Variants in CDHR2 observed in about 807,000 individuals in gnomAD.
CDHR2 encodes cadherin related family member 2, also known as cadherin-related family member 2.
Under a neutral mutation model 138.6 loss-of-function variants are expected in CDHR2, and 104 were observed. That is an observed-to-expected ratio of 0.75 (90% confidence interval 0.64 to 0.88). The LOEUF (loss-of-function observed/expected upper bound fraction) is 0.88, where lower values mean the gene tolerates loss of function less well. Among genes scored for constraint, CDHR2 ranks in the 40% least tolerant of loss-of-function variants. The pLI, the probability that CDHR2 is intolerant of heterozygous loss-of-function variation, is 0.00. For synonymous variants in CDHR2, 755 were observed against 742.8 expected (o/e 1.02, Z -0.27); for missense variants, 1,624 against 1,727.6 (o/e 0.94, Z 1.06).
chr5:176,568,580 G>C, intron 3 of CDHR2, 98 bp from the exon 4 acceptor site: 1 of 1,396,208 alleles, frequency 7.2e-7, no homozygotes, highest in Non-Finnish European at 9.8e-7. Context: ...CCTGTGTACA[G>C]GGCAGCCAGG....
upstream of CDHR2, among the ~76,000 whole-genome samples, chr5:176,545,146 C>A (rs2113238014): frequency 6.6e-6 from 1 of 152,102 alleles, no homozygotes. Flanking sequence ...GACAGAGTCT[C>A]ACTCTGTCAC....
intron 16 of CDHR2, among the ~76,000 whole-genome samples, chr5:176,580,030 A>AG (rs1474475272): frequency 6.6e-6 from 1 of 152,180 alleles, no homozygotes; most frequent in African/African-American, 2.4e-5. Context: ...GGCGGCACAG[A>AG]GGAACCCGCT....
At chr5:176,549,531 G>T in intron 1 of CDHR2, 117 bp downstream of exon 1, 1 of 152,422 alleles carries the variant, frequency 6.6e-6, no homozygotes. Context: ...AAGCTGGGCA[G>T]GGGAAGTCAC....
chr5:176,561,750 C>T (rs994060506), intron 1 of CDHR2, among the ~76,000 whole-genome samples: 9 of 151,914 alleles, frequency 5.9e-5, no homozygotes, highest in African/African-American at 2.2e-4. Context: ...AGCGATTCTC[C>T]TGCCTCAGTC....
chr5:176,577,589 C>G, intron 13 of CDHR2, 35 bp downstream of exon 13: 2 of 1,613,764 alleles, frequency 1.2e-6, no homozygotes, highest in Non-Finnish European at 1.7e-6. Flanking sequence ...GGGCAGAAGC[C>G]GAGGGGCACT....
At chr5:176,592,586 A>ATGATGGTGGTGGTGG in intron 30 of CDHR2, 137 bp from the exon 31 acceptor site, 2 of 699,904 alleles carry the variant, frequency 2.9e-6, no homozygotes, top group Middle Eastern at 3.0e-4. Flanking sequence ...GGTAGTTGTG[A>ATGATGGTGGTGGTGG]TGATGGTGGT....
chr5:176,554,340 G>T lies in CDHR2; in HGVS notation c.-16+4926G>T, dbSNP rs551579592. On this transcript the variant is annotated intron_variant, in intron 1 of 31. Transcript: ENST00000261944. ...AGCTGTTTCCATGGTGATTGCAGTGGGAGGAGCAGCCATAAGGTGAGGACA... is the reference window on the plus strand; with the variant it reads ...AGCTGTTTCCATGGTGATTGCAGTGTGAGGAGCAGCCATAAGGTGAGGACA... Among the ~76,000 whole-genome samples the T allele has an allele frequency of 2.3e-4, 35 of 152,326 alleles. No individual in the cohort carries two copies. In the South Asian group the frequency reaches 7.0e-3, roughly 31 times the overall value.
At position 176,575,399 on chromosome 5, in the gene CDHR2, G is replaced by A. The variant is rs770570875; in HGVS notation, c.741G>A (p.Ser247=). 1.2e-5 allele frequency: 19 copies of A among 1,614,188 alleles called. No homozygotes were observed. The highest frequency in any genetic ancestry group is 5.3e-5 in the African/African-American group (4 of 75,048). The change falls in exon 9 of 32, where the codon TCG becomes TCA. Residue 247 remains serine, a synonymous_variant. Transcript: ENST00000261944. Reference sequence around the variant, plus strand: ...CCCAGTTTGTCAGGGAGTTTTACTCGGCCTCTGTGGCTGAGGATGCAGCCA... The same window carrying A: ...CCCAGTTTGTCAGGGAGTTTTACTCAGCCTCTGTGGCTGAGGATGCAGCCA... ...LDPQFVREFY[S]ASVAEDAAKG... is the part of the protein sequence containing the mutation.
chr5:176,562,113 G>A (rs1757981341), intron 1 of CDHR2, among the ~76,000 whole-genome samples: 1 of 152,082 alleles, frequency 6.6e-6, no homozygotes. Flanking sequence ...TGGAGTGGTC[G>A]AGGGTAGTCT....
At chr5:176,586,957 GA>G in intron 21 of CDHR2, 115 bp downstream of exon 21, 1 of 810,242 alleles carries the variant, frequency 1.2e-6, no homozygotes. Context: ...ACATGAAAAA[GA>G]AAACCCCAGA....
In CDHR2 at chr5:176,576,834, C is replaced by A. The variant is rs1451487902; in HGVS notation, c.1195-565C>A. Among the ~76,000 whole-genome samples, 1 of 152,166 alleles carries A rather than the reference C, an allele frequency of 6.6e-6. No individual in the cohort carries two copies. Among genetic ancestry groups the A allele is most frequent in the Non-Finnish European group, 1.5e-5 (1 of 68,032 alleles). On this transcript the variant is annotated intron_variant, in intron 12 of 31. Coordinates refer to ENST00000261944, the MANE Select transcript of CDHR2 (RefSeq NM_017675.6). This position sits in a 1 kb window ranked among gnomAD's most constrained non-coding sequence, Gnocchi z 4.5. The stretch of plus-strand genomic sequence containing the variant: ...TCAAGTGATCCACCTACCTTGGCCT[C>A]CCAAAGTGCTGGGATTGCAGGCGTG...
chr5:176,579,711 G>C (rs967021709), intron 16 of CDHR2, among the ~76,000 whole-genome samples: 3 of 152,198 alleles, frequency 2.0e-5, no homozygotes, highest in Non-Finnish European at 4.4e-5. Flanking sequence ...TGAAATGGAG[G>C]AGCTGAAGGT....
chr5:176,545,341 A>C (rs1307406887), upstream of CDHR2, among the ~76,000 whole-genome samples: 1 of 152,054 alleles, frequency 6.6e-6, no homozygotes, highest in Non-Finnish European at 1.5e-5. Context: ...ACGTTTCACC[A>C]TGTTGGCCAG....
At chr5:176,573,006 C>G (rs1051045032) in intron 6 of CDHR2, among the ~76,000 whole-genome samples, 1 of 152,194 alleles carries the variant, frequency 6.6e-6, no homozygotes, top group Admixed American at 6.5e-5. Context: ...GCGGGCACTG[C>G]TTTAGGTTGA....
rs753530627 is a variant in CDHR2, at chr5:176,585,969, C to A, written c.2750C>A (p.Thr917Asn). The stretch of plus-strand genomic sequence containing the variant: ...TGTCTCCTAGGAAGCCTCCTCATTA[C>A]CATTGAGGACGTGAATGACAATGCA... ...AYSNNGSLLI[T>N]IEDVNDNAPY... The change falls in exon 20 of 32, where the codon ACC becomes AAC. Residue 917 changes from threonine (T) to asparagine (N), a missense_variant. Coordinates refer to ENST00000261944, the MANE Select transcript of CDHR2 (RefSeq NM_017675.6). 5 of 1,613,086 alleles carry A rather than the reference C, an allele frequency of 3.1e-6. No homozygotes were observed. In the Admixed American group the frequency reaches 8.3e-5, roughly 27 times the overall value.
chr5:176,550,221 TCTC>T (rs1757675755), intron 1 of CDHR2, among the ~76,000 whole-genome samples: 1 of 152,210 alleles, frequency 6.6e-6, no homozygotes, highest in Non-Finnish European at 1.5e-5. Context: ...TCACTCTGCT[TCTC>T]AGCAGGGGAA....
intron 17 of CDHR2, 25 bp from the exon 18 acceptor site, chr5:176,584,165 G>A: frequency 6.2e-7 from 1 of 1,605,428 alleles, no homozygotes; most frequent in Non-Finnish European, 8.5e-7. Flanking sequence ...GGATCCCGGG[G>A]ACTCAGACCT....
At chr5:176,580,801 C>T (rs1758513775) in intron 16 of CDHR2, among the ~76,000 whole-genome samples, 1 of 152,092 alleles carries the variant, frequency 6.6e-6, no homozygotes, top group Admixed American at 6.5e-5. Context: ...CACTTGAACC[C>T]AGGAGAAGGA....
chr5:176,583,475 C>T (rs1758572829), intron 17 of CDHR2, among the ~76,000 whole-genome samples: 1 of 152,162 alleles, frequency 6.6e-6, no homozygotes. Flanking sequence ...GTTATGTGAC[C>T]CACAAACCTG....
Sources: allele counts gnomAD v4.1 joint callset (sites outside exome capture counted in the v4.1 genomes callset), GRCh38; gene constraint gnomAD v4.1.1; non-coding constraint Gnocchi (gnomAD v3.1); transcripts MANE v1.5; gene names NCBI Gene and HGNC (gene_info 2026-07-23, HGNC 2026-07-21).